Variants in MORN1 observed in about 807,000 individuals in gnomAD.
MORN1 encodes the protein MORN repeat containing 1, also known as MORN repeat-containing protein 1.
Under a neutral mutation model 61.9 loss-of-function variants are expected in MORN1, and 67 were observed. That is an observed-to-expected ratio of 1.08 (90% confidence interval 0.89 to 1.33). The LOEUF is 1.33. Among genes scored for constraint, MORN1 ranks in the 40% most tolerant of loss-of-function variants. The pLI is 0.00. For synonymous variants in MORN1, 301 were observed against 292.0 expected, an observed-to-expected ratio of 1.03 and a Z score of -0.31; for missense variants, 752 against 691.2, an observed-to-expected ratio of 1.09 and a Z score of -0.99.
At chr1:2,346,471 C>T (rs1029145731) in intron 10 of MORN1, among the ~76,000 whole-genome samples, 12 of 152,172 alleles carry the variant, frequency 7.9e-5, no homozygotes, top group African/African-American at 2.2e-4. Flanking sequence ...CTGCAACCTC[C>T]GACTCCCTGG....
In MORN1 at chr1:2,357,656, G is replaced by C; in HGVS notation, c.870-58C>G. 6.6e-7 allele frequency: 1 copy of C among 1,521,724 alleles called. No homozygotes were observed. Among genetic ancestry groups the C allele is most frequent in the Non-Finnish European group, 8.8e-7 (1 of 1,130,378 alleles). 94.3% of individuals were successfully genotyped at this position (1,521,724 alleles called of 1,614,324 possible). ...CACCCCACACCAAACTAGGGTGCAG[G>C]CAGACAGCGTGGCCCACGCCCTGGA... On this transcript the variant is annotated intron_variant, in intron 9 of 13. Transcript: ENST00000378531. The surrounding 1 kb of genome is among the most constrained non-coding windows in gnomAD (Gnocchi z 6.3).
intron 12 of MORN1, among the ~76,000 whole-genome samples, chr1:2,324,943 G>A (rs377021319): frequency 3.4e-5 from 5 of 149,252 alleles, no homozygotes; most frequent in African/African-American, 1.3e-4. Flanking sequence ...TGGCCCTGGC[G>A]GGGAGGAGGC....
At chr1:2,378,681 ACT>A in intron 6 of MORN1, 2 of 333,326 alleles carry the variant, frequency 6.0e-6, no homozygotes, top group Non-Finnish European at 1.2e-5. Context: ...GGTAGGAGAC[ACT>A]CTGATGTGCA....
intron 1 of MORN1, chr1:2,390,770 A>G (rs1384349323): frequency 1.6e-5 from 15 of 964,116 alleles, no homozygotes; most frequent in Non-Finnish European, 1.8e-5. Flanking sequence ...TTTTTTTGAG[A>G]CTGAGTCTTG....
At chr1:2,324,521 G>A (rs777382842) in intron 12 of MORN1, among the ~76,000 whole-genome samples, 4 of 152,204 alleles carry the variant, frequency 2.6e-5, no homozygotes, top group African/African-American at 4.8e-5. Context: ...CCTGAGAGAC[G>A]GCGAGGCTGG....
At chr1:2,322,138 C>T (rs1269372574) in intron 13 of MORN1, 15 of 985,226 alleles carry the variant, frequency 1.5e-5, no homozygotes, top group Admixed American at 6.2e-5. Flanking sequence ...TGGGGGCACT[C>T]GGCAGAGAAG....
In MORN1 at chr1:2,391,415, C is replaced by G. The variant is rs756387655; in HGVS notation, c.76+43G>C. ...TAGAGCGATCGCACCCTGAATGGAG[C>G]CCAGGGCAGCCAGCGACCTGTCCCG... is the stretch of plus-strand genomic sequence containing the variant. On this transcript the variant is annotated intron_variant, in intron 1 of 13. Transcript: ENST00000378531. The G allele has an allele frequency of 1.1e-5, 14 of 1,254,272 alleles. 1 individual carries two copies. In the South Asian group the frequency reaches 5.0e-4, roughly 45 times the overall value. 77.7% of individuals were successfully genotyped at this position (1,254,272 alleles called of 1,614,324 possible).
Position 2,358,635 on chromosome 1 carries a change from T to C in MORN1, c.826A>G (p.Lys276Glu). Residue 276 changes from lysine to glutamate, a missense_variant, in exon 9 of 14, where the codon AAA (lysine) becomes GAA (glutamate). Lys to Glu is a moderately conservative substitution (Grantham distance 56, BLOSUM62 1). Transcript: ENST00000378531. Reference sequence around the variant, plus strand: ...GTCTCTTGGTTGTCTCTGTCCACTTTGAAAAAGTTGACCTCAGAGTAGGCT... The same window carrying C: ...GTCTCTTGGTTGTCTCTGTCCACTTCGAAAAAGTTGACCTCAGAGTAGGCT... ...LSAYSEVNFFKVDRDNQETLI... is the reference protein window; with the variant it reads ...LSAYSEVNFFEVDRDNQETLI... The C allele has an allele frequency of 6.2e-7, 1 of 1,614,046 alleles. No individual in the cohort carries two copies. The highest frequency in any genetic ancestry group is 8.5e-7 in the Non-Finnish European group (1 of 1,179,976).
At chr1:2,364,506 G>A (rs2840539) in intron 8 of MORN1, among the ~76,000 whole-genome samples, 101,488 of 130,368 alleles carry the variant, frequency 0.78, 39,833 homozygotes, top group South Asian at 0.89. Context: ...CCCATTTTGT[G>A]GGTTGCCTGT....
intron 6 of MORN1, chr1:2,375,863 A>C (rs995905786): frequency 3.9e-5 from 6 of 152,470 alleles, no homozygotes; most frequent in Non-Finnish European, 8.8e-5. Flanking sequence ...CAGTGTTCCA[A>C]GCTGAGCGCA....
In MORN1 at chr1:2,334,509, C is replaced by T. The variant is rs1471145477; in HGVS notation, c.1250+1960G>A. On this transcript the variant is annotated intron_variant, in intron 12 of 13. Coordinates refer to ENST00000378531, the MANE Select transcript of MORN1 (RefSeq NM_024848.3). This position sits in a 1 kb window ranked among gnomAD's most constrained non-coding sequence, Gnocchi z 5.4. The stretch of plus-strand genomic sequence containing the variant: ...CCAGAAGACGTAGTAAGGCCAGCTG[C>T]ATGGAGAGGCGGGGCTCCCTTGGGG... Among the ~76,000 whole-genome samples, 1 of 152,176 alleles carries T rather than the reference C, an allele frequency of 6.6e-6. No individual in the cohort carries two copies. The highest frequency in any genetic ancestry group is 1.9e-4 in the East Asian group (1 of 5,184).
At chr1:2,385,437 G>A (rs549103370) in intron 5 of MORN1, 51 of 394,818 alleles carry the variant, frequency 1.3e-4, no homozygotes, top group African/African-American at 6.7e-4. Flanking sequence ...CTTGGGAGGC[G>A]GAGGCGGGAG....
At chr1:2,355,998 G>C (rs1310235373) in intron 10 of MORN1, among the ~76,000 whole-genome samples, 1 of 152,232 alleles carries the variant, frequency 6.6e-6, no homozygotes, top group South Asian at 2.1e-4. Flanking sequence ...TTGGGAAGGG[G>C]CTGGCCCTGC....
intron 13 of MORN1, chr1:2,322,375 G>C (rs758659822): frequency 2.0e-6 from 2 of 985,294 alleles, no homozygotes; most frequent in Admixed American, 6.1e-5. Flanking sequence ...GGCAGGAGTC[G>C]GCTCACACCG....
At position 2,336,454 on chromosome 1, in the gene MORN1, G is replaced by A. The variant is rs1641280934; in HGVS notation, c.1250+15C>T. The A allele has an allele frequency of 1.9e-6, 3 of 1,608,790 alleles. No homozygotes were observed. Among genetic ancestry groups the A allele is most frequent in the Non-Finnish European group, 2.5e-6 (3 of 1,177,596 alleles). ...GACCCTCCGAACACCTGCAGGTGGG[G>A]TGGGCTCATCCTACCTGCTGCCTCC... is the stretch of plus-strand genomic sequence containing the variant. On this transcript the variant is annotated intron_variant, in intron 12 of 13. Transcript: ENST00000378531.
intron 12 of MORN1, among the ~76,000 whole-genome samples, chr1:2,333,812 C>G (rs1490869098): frequency 2.0e-5 from 3 of 152,260 alleles, no homozygotes; most frequent in African/African-American, 7.2e-5. Context: ...ACCACTCGGC[C>G]ACGACACAGC....
intron 1 of MORN1, among the ~76,000 whole-genome samples, 170 bp from the exon 2 acceptor site, chr1:2,390,166 G>C (rs759163724): frequency 2.6e-5 from 4 of 152,204 alleles, no homozygotes; most frequent in Non-Finnish European, 4.4e-5. Context: ...CCTGTCGACT[G>C]TTGGGCCATT....
intron 13 of MORN1, chr1:2,322,800 G>A (rs917673267): frequency 2.4e-5 from 24 of 985,470 alleles, no homozygotes; most frequent in Non-Finnish European, 2.7e-5. Context: ...CAGTGGCTGA[G>A]GAGCCCGGCC....
chr1:2,387,559 G>A, intron 3 of MORN1, 30 bp from the exon 4 acceptor site: 1 of 1,536,690 alleles, frequency 6.5e-7, no homozygotes. Context: ...AGGGGAGACA[G>A]GAGGTTCAGT....
Sources: allele counts gnomAD v4.1 joint callset (sites outside exome capture counted in the v4.1 genomes callset), GRCh38; gene constraint gnomAD v4.1.1; non-coding constraint Gnocchi (gnomAD v3.1); transcripts MANE v1.5; gene names NCBI Gene and HGNC (gene_info 2026-07-23, HGNC 2026-07-21).